The following SPMIP6 variants were observed in gnomAD, a reference collection of about 807,000 sequenced individuals.
The protein encoded by SPMIP6 is ciliated bronchial epithelial protein 1.
the SPMIP6 span, among the ~76,000 whole-genome samples, chr9:34,389,661 G>A: frequency 1.3e-5 from 2 of 152,072 alleles, no homozygotes; most frequent in South Asian, 2.1e-4. Flanking sequence ...AACCACGCCC[G>A]GTGGCACTGA....
At chr9:34,387,911 G>A in the SPMIP6 span, among the ~76,000 whole-genome samples, 3 of 152,192 alleles carry the variant, frequency 2.0e-5, no homozygotes, top group Non-Finnish European at 4.4e-5. Flanking sequence ...TGGCCTGAGG[G>A]TAATGACTTA....
chr9:34,380,808 G>T, the SPMIP6 span: 2 of 1,530,108 alleles, frequency 1.3e-6, no homozygotes, highest in African/African-American at 2.8e-5. Context: ...GGGCCTGCAC[G>T]GAAGCTGGCC....
chr9:34,379,837 G>C, the SPMIP6 span: 1 of 822,272 alleles, frequency 1.2e-6, no homozygotes, highest in Non-Finnish European at 2.0e-6. The surrounding 1 kb of genome is among the most constrained non-coding windows in gnomAD (Gnocchi z 4.2). Context: ...CCGTCCCAAG[G>C]CTCGGAAATC....
chr9:34,381,153 G>T, the SPMIP6 span: 3 of 1,564,288 alleles, frequency 1.9e-6, no homozygotes, highest in Admixed American at 3.7e-5. This position sits in a 1 kb window ranked among gnomAD's most constrained non-coding sequence, Gnocchi z 4.4. Context: ...GGTCCCCAGC[G>T]CAGGAGACCC....
At chr9:34,395,052 A>C in the SPMIP6 span, among the ~76,000 whole-genome samples, 1 of 150,940 alleles carries the variant, frequency 6.6e-6, no homozygotes, top group Non-Finnish European at 1.5e-5. Context: ...TGCAGCCTCA[A>C]CCTCCTGGGC....
At chr9:34,395,900 C>T in the SPMIP6 span, among the ~76,000 whole-genome samples, 1 of 152,198 alleles carries the variant, frequency 6.6e-6, no homozygotes, top group Non-Finnish European at 1.5e-5. Flanking sequence ...CAGGCACTCT[C>T]ATATTTTGCT....
At chr9:34,397,503 G>C in the SPMIP6 span, 1 of 1,614,118 alleles carries the variant, frequency 6.2e-7, no homozygotes, top group South Asian at 1.1e-5. Flanking sequence ...ACTTACCGGA[G>C]TCAGAAACTT....
At chr9:34,383,165 A>G in the SPMIP6 span, among the ~76,000 whole-genome samples, 1 of 152,032 alleles carries the variant, frequency 6.6e-6, no homozygotes, top group Admixed American at 6.5e-5. Context: ...CCTCTTCCCA[A>G]TTCCTCCCTC....
the SPMIP6 span, chr9:34,381,327 C>A: frequency 6.2e-7 from 1 of 1,613,512 alleles, no homozygotes; most frequent in South Asian, 1.1e-5. This position sits in a 1 kb window ranked among gnomAD's most constrained non-coding sequence, Gnocchi z 4.4. Context: ...TTCCCCAACC[C>A]TCTCCACCCG....
At chr9:34,384,860 CTG>C in the SPMIP6 span, among the ~76,000 whole-genome samples, 2 of 152,048 alleles carry the variant, frequency 1.3e-5, no homozygotes, top group Non-Finnish European at 2.9e-5. Context: ...AGAACCTAGG[CTG>C]TTGAGAACAG....
the SPMIP6 span, chr9:34,380,897 C>T: frequency 6.4e-7 from 1 of 1,559,054 alleles, no homozygotes; most frequent in East Asian, 2.3e-5. Flanking sequence ...CCCTGCGAAC[C>T]TTACAGTCGG....
the SPMIP6 span, among the ~76,000 whole-genome samples, chr9:34,380,189 C>A: frequency 3.9e-5 from 6 of 152,188 alleles, no homozygotes; most frequent in Non-Finnish European, 8.8e-5. Context: ...CTATGGACCC[C>A]CACTGCACAG....
the SPMIP6 span, chr9:34,385,654 C>T: frequency 1.9e-6 from 3 of 1,613,418 alleles, no homozygotes; most frequent in Admixed American, 3.3e-5. Flanking sequence ...TTGAGAAAGC[C>T]AGTACTTCTC....
chr9:34,379,925 C>T, the SPMIP6 span: 3 of 558,614 alleles, frequency 5.4e-6, no homozygotes, highest in Non-Finnish European at 6.4e-6. The surrounding 1 kb of genome is among the most constrained non-coding windows in gnomAD (Gnocchi z 4.2). Flanking sequence ...GACTCCCTCC[C>T]GGCAAGGCCT....
chr9:34,385,947 C>A, the SPMIP6 span, among the ~76,000 whole-genome samples: 1 of 152,310 alleles, frequency 6.6e-6, no homozygotes, highest in South Asian at 2.1e-4. Flanking sequence ...CTCCTCTGCA[C>A]AGTGCTCTTG....
At chr9:34,382,541 C>T in the SPMIP6 span, 34 of 550,094 alleles carry the variant, frequency 6.2e-5, 1 homozygote, top group South Asian at 2.8e-4. Context: ...GCCAAGGTTG[C>T]GCCACTGCGC....
chr9:34,379,029 A>G, the SPMIP6 span: 1 of 1,149,032 alleles, frequency 8.7e-7, no homozygotes, highest in Non-Finnish European at 1.3e-6. The surrounding 1 kb of genome is among the most constrained non-coding windows in gnomAD (Gnocchi z 4.2). Context: ...TTTGGGGTTG[A>G]AGAGTTTATT....
chr9:34,380,956 G>C, the SPMIP6 span: 1 of 1,604,998 alleles, frequency 6.2e-7, no homozygotes, highest in Non-Finnish European at 8.5e-7. Flanking sequence ...AGGGCGCCCC[G>C]CTGGCGTAGT....
At chr9:34,380,780 G>T in the SPMIP6 span, 1 of 1,546,320 alleles carries the variant, frequency 6.5e-7, no homozygotes, top group Non-Finnish European at 8.7e-7. Flanking sequence ...CGTGCAGCGC[G>T]GGGCTAGAGC....
Sources: allele counts gnomAD v4.1 joint callset (sites outside exome capture counted in the v4.1 genomes callset), GRCh38; gene constraint gnomAD v4.1.1; non-coding constraint Gnocchi (gnomAD v3.1); transcripts MANE v1.5; gene names NCBI Gene and HGNC (gene_info 2026-07-23, HGNC 2026-07-21).